The following UCN3 variants were observed in gnomAD, a reference collection of about 807,000 sequenced individuals.
The protein encoded by UCN3 is urocortin 3, also known as urocortin-3.
Under a neutral mutation model 3.6 loss-of-function variants are expected in UCN3, and 3 were observed. The ratio of observed to expected loss-of-function variants is 0.83; its 90% CI spans 0.38 to 2.15. UCN3 has a LOEUF of 2.15. Among genes scored for constraint, UCN3 ranks in the 30% most tolerant of loss-of-function variants. The pLI is 0.06. For missense variants in UCN3, 206 were observed against 208.3 expected (o/e 0.99, Z 0.07); for synonymous variants, 100 against 93.2 (o/e 1.07, Z -0.42).
At chr10:5,371,206 G>C (rs1349336555) in intron 1 of UCN3, among the ~76,000 whole-genome samples, 3 of 150,898 alleles carry the variant, frequency 2.0e-5, no homozygotes, top group Non-Finnish European at 4.4e-5. Flanking sequence ...AGGTGTGTAT[G>C]TGTGCATATG....
At position 5,373,889 on chromosome 10, in the gene UCN3, A is replaced by G. The variant is rs1831463547; in HGVS notation, c.169A>G (p.Arg57Gly). The G allele has an allele frequency of 6.2e-7, 1 of 1,613,886 alleles. No homozygotes were observed. The highest frequency in any genetic ancestry group is 1.7e-5 in the Admixed American group (1 of 59,996). The change falls in exon 2 of 2, where the codon AGG (arginine) becomes GGG (glycine). Residue 57 changes from arginine (R) to glycine (G), a missense_variant. Physicochemically the swap from Arg to Gly is moderately radical, Grantham distance 125. Coordinates refer to ENST00000380433, the MANE Select transcript of UCN3 (RefSeq NM_053049.4). ...QWEDASLLSKRSFHYLRSRDA... is the reference protein window; with the variant it reads ...QWEDASLLSKGSFHYLRSRDA... The stretch of plus-strand genomic sequence containing the variant: ...GGAGGATGCATCCCTGCTGAGCAAG[A>G]GGAGCTTCCACTACCTGCGCAGCAG...
At position 5,370,629 on chromosome 10, in the gene UCN3, GTGTA is replaced by G. The variant is rs1460249853; in HGVS notation, c.-6-3082_-6-3079del. ...CGTGTGTATATGCGTGTATATGCGT[GTGTA>G]TGTGTGTGTATATGTGTGTGTATGT... On this transcript the variant is annotated intron_variant, in intron 1 of 1. Transcript: ENST00000380433. 3.9e-5 allele frequency among the ~76,000 whole-genome samples: 4 copies of G among 103,586 alleles called. 1 individual carries two copies. Among genetic ancestry groups the G allele is most frequent in the African/African-American group, 8.0e-5 (2 of 25,092 alleles). The allele number at this position is 103,586 out of a possible 152,430, so 68.0% of individuals were successfully genotyped here. A position where few individuals can be genotyped will look rare whatever the true frequency, so the allele number is the denominator to read the frequency against.
At chr10:5,369,772 A>C (rs76487134) in intron 1 of UCN3, among the ~76,000 whole-genome samples, 2,613 of 152,352 alleles carry the variant, frequency 0.017, 81 homozygotes, top group African/African-American at 0.061. Flanking sequence ...AAAAAATTAA[A>C]GGAAAGAAAG....
rs1834102242 is a variant in UCN3, at chr10:5,364,991, C to G, written c.-246C>G. ...AAATGAAATCTCATCCCAGCGTAGA[C>G]ACCACGTCTGGAATTACGATCCACC... On this transcript the variant is annotated 5_prime_UTR_variant, in exon 1 of 2. Coordinates refer to ENST00000380433, the MANE Select transcript of UCN3 (RefSeq NM_053049.4). The G allele has an allele frequency of 6.6e-6, 1 of 152,168 alleles. No homozygotes were observed. The highest frequency in any genetic ancestry group is 2.4e-5 in the African/African-American group (1 of 41,420). 9.4% of individuals were successfully genotyped at this position (152,168 alleles called of 1,614,324 possible). A position where few individuals can be genotyped will look rare whatever the true frequency, so the allele number is the denominator to read the frequency against.
intron 1 of UCN3, 139 bp from the exon 2 acceptor site, chr10:5,373,576 G>A (rs562635246): frequency 4.7e-5 from 63 of 1,354,444 alleles, no homozygotes; most frequent in Non-Finnish European, 6.0e-5. Flanking sequence ...AGCCCGGGCT[G>A]ATGCTGCTGG....
chr10:5,371,176 T>C (rs1307950848), intron 1 of UCN3, among the ~76,000 whole-genome samples: 1 of 151,444 alleles, frequency 6.6e-6, no homozygotes, highest in Non-Finnish European at 1.5e-5. Context: ...TGTGTATGTA[T>C]GTGCATATGT....
chr10:5,370,615 G>A (rs1342894147), intron 1 of UCN3, among the ~76,000 whole-genome samples: 1 of 95,758 alleles, frequency 1.0e-5, no homozygotes, highest in Non-Finnish European at 2.2e-5. Flanking sequence ...GTGTGTATAT[G>A]CGTGTATATG....
chr10:5,370,960 G>GTA (rs138555105), intron 1 of UCN3, among the ~76,000 whole-genome samples: 51,588 of 133,034 alleles, frequency 0.39, 12,620 homozygotes, highest in African/African-American at 0.56. Flanking sequence ...TGTAAGGTGT[G>GTA]TGTGTGTGTA....
chr10:5,370,472 CGTGTGTATATGT>C (rs201910284), intron 1 of UCN3, among the ~76,000 whole-genome samples: 4 of 13,148 alleles, frequency 3.0e-4, no homozygotes, highest in Non-Finnish European at 4.1e-4. Context: ...TGTGTATATG[CGTGTGTATATGT>C]GTGTATGTGT....
chr10:5,372,839 G>C (rs1320193722), intron 1 of UCN3, among the ~76,000 whole-genome samples: 2 of 151,562 alleles, frequency 1.3e-5, no homozygotes, highest in Non-Finnish European at 2.9e-5. Context: ...ACAGGTGTGA[G>C]CCACCGTGCC....
Position 5,373,783 on chromosome 10 carries a change from C to A in UCN3, c.63C>A (p.Gly21=), listed in dbSNP as rs1554811760. The change falls in exon 2 of 2, where the codon GGC becomes GGA. Residue 21 remains glycine (G), a synonymous_variant. Coordinates refer to ENST00000380433, the MANE Select transcript of UCN3 (RefSeq NM_053049.4). ...TGCTCCTGGGGGGCCCCAGGACAGG[C>A]CTCCCCCACAAGTTCTACAAAGCCA... ...LLLLLGGPRT[G]LPHKFYKAKP... 6.2e-7 allele frequency: 1 copy of A among 1,613,954 alleles called. No individual in the cohort carries two copies. Among genetic ancestry groups the A allele is most frequent in the Non-Finnish European group, 8.5e-7 (1 of 1,179,924 alleles).
At chr10:5,370,815 G>T (rs1174884080) in intron 1 of UCN3, among the ~76,000 whole-genome samples, 2 of 100,742 alleles carry the variant, frequency 2.0e-5, no homozygotes, top group Non-Finnish European at 2.0e-5. Flanking sequence ...GTGTGTGTGC[G>T]TGTGTGTGCG....
chr10:5,365,740 G>A lies in UCN3; in HGVS notation c.-7+510G>A, dbSNP rs1292887522. ...CGGGCACACCTGTGAAGCAGGTAACGTCTCCTTCCTAGGACGCGGCAAGTG... is the reference window on the plus strand; with the variant it reads ...CGGGCACACCTGTGAAGCAGGTAACATCTCCTTCCTAGGACGCGGCAAGTG... On this transcript the variant is annotated intron_variant, in intron 1 of 1. Coordinates refer to ENST00000380433, the MANE Select transcript of UCN3 (RefSeq NM_053049.4). This position sits in a 1 kb window ranked among gnomAD's most constrained non-coding sequence, Gnocchi z 4.4. Among the ~76,000 whole-genome samples the A allele has an allele frequency of 1.3e-5, 2 of 152,166 alleles. No individual in the cohort carries two copies. The highest frequency in any genetic ancestry group is 6.5e-5 in the Admixed American group (1 of 15,284).
rs1227978296 is a variant in UCN3 at position 5,366,825 on chromosome 10, G to A, written c.-7+1595G>A. On this transcript the variant is annotated intron_variant, in intron 1 of 1. Transcript: ENST00000380433. This position sits in a 1 kb window ranked among gnomAD's most constrained non-coding sequence, Gnocchi z 4.2. ...GACACCTTTCAATACCCTCACAACC[G>A]TGTGCAGGCTAGAGCTGAGGGTTTG... is the stretch of plus-strand genomic sequence containing the variant. 5.9e-5 allele frequency among the ~76,000 whole-genome samples: 9 copies of A among 152,144 alleles called. No homozygotes were observed. The highest frequency in any genetic ancestry group is 1.9e-4 in the East Asian group (1 of 5,202).
rs1439989455 is a variant in UCN3, at chr10:5,370,708, TATG to T, written c.-6-3003_-6-3001del. On this transcript the variant is annotated intron_variant, in intron 1 of 1. Transcript: ENST00000380433. The stretch of plus-strand genomic sequence containing the variant: ...GTGTATGTGTGTATATGTGTGTGTA[TATG>T]ATGTGTGTGTATATGCGTGTGTATA... Among the ~76,000 whole-genome samples the T allele has an allele frequency of 1.6e-3, 140 of 88,174 alleles. 6 individuals carry two copies. The highest frequency in any genetic ancestry group is 7.5e-3 in the South Asian group (14 of 1,874). 57.8% of individuals were successfully genotyped at this position (88,174 alleles called of 152,430 possible).
At chr10:5,368,235 C>G (rs1483606320) in intron 1 of UCN3, among the ~76,000 whole-genome samples, 1 of 152,056 alleles carries the variant, frequency 6.6e-6, no homozygotes, top group African/African-American at 2.4e-5. Context: ...AACTCCTGAC[C>G]TCAGGTGATC....
Position 5,373,861 on chromosome 10 carries a change from G to C in UCN3, c.141G>C (p.Gln47His). The C allele has an allele frequency of 6.2e-7, 1 of 1,614,138 alleles. No individual in the cohort carries two copies. The highest frequency in any genetic ancestry group is 8.5e-7 in the Non-Finnish European group (1 of 1,180,000). ...CCCTGTCTGAGGCTGAGAAGGGCCA[G>C]TGGGAGGATGCATCCCTGCTGAGCA... ...NTALSEAEKG[Q>H]WEDASLLSKR... is the part of the protein sequence containing the mutation. The change falls in exon 2 of 2, where the codon CAG becomes CAC. Residue 47 changes from glutamine to histidine, a missense_variant. Gln to His is a conservative substitution (Grantham distance 24, BLOSUM62 0). Transcript: ENST00000380433.
intron 1 of UCN3, among the ~76,000 whole-genome samples, chr10:5,369,929 GTGTGTGTGTA>G (rs1831322828): frequency 1.1e-5 from 1 of 87,954 alleles, no homozygotes; most frequent in African/African-American, 3.9e-5. Flanking sequence ...GTGTGTATGT[GTGTGTGTGTA>G]TGTGTGTGTA....
At chr10:5,370,909 G>A (rs1397297394) in intron 1 of UCN3, among the ~76,000 whole-genome samples, 2 of 144,924 alleles carry the variant, frequency 1.4e-5, no homozygotes, top group African/African-American at 2.7e-5. Flanking sequence ...GTGTATATGC[G>A]TGTGTATATG....
Sources: allele counts gnomAD v4.1 joint callset (sites outside exome capture counted in the v4.1 genomes callset), GRCh38; gene constraint gnomAD v4.1.1; non-coding constraint Gnocchi (gnomAD v3.1); transcripts MANE v1.5; gene names NCBI Gene and HGNC (gene_info 2026-07-23, HGNC 2026-07-21).